NALF1: variants seen among roughly 807,000 people sequenced by gnomAD.
NALF1 encodes the protein NALCN channel auxiliary factor 1, also known as family with sequence similarity 155 member A.
NALF1 carries 3 observed loss-of-function variants against 48.4 expected under a neutral mutation model. That is an observed-to-expected ratio of 0.06 (90% CI 0.03 to 0.16). The LOEUF (loss-of-function observed/expected upper bound fraction) is 0.16, where lower values mean the gene tolerates loss of function less well. Ranked by LOEUF, NALF1 falls within the 10% of genes least tolerant of loss-of-function variation. The pLI, the probability that NALF1 is intolerant of heterozygous loss-of-function variation, is 1.00. For missense variants in NALF1, 526 were observed against 571.5 expected (o/e 0.92, Z 0.81); for synonymous variants, 262 against 245.7 (o/e 1.07, Z -0.62).
At chr13:107,738,964 G>A (rs1000196114) in intron 1 of NALF1, among the ~76,000 whole-genome samples, 1 of 152,128 alleles carries the variant, frequency 6.6e-6, no homozygotes, top group African/African-American at 2.4e-5. Flanking sequence ...GCCCAGCTGA[G>A]TTCAGTATAA....
intron 1 of NALF1, among the ~76,000 whole-genome samples, chr13:107,287,688 CTTTCTTTTCT>C (rs949336747): frequency 7.2e-6 from 1 of 139,032 alleles, no homozygotes; most frequent in African/African-American, 2.7e-5. Context: ...TTTTCTTTTC[CTTTCTTTTCT>C]TTTCTTTCTT....
intron 1 of NALF1, among the ~76,000 whole-genome samples, chr13:107,759,235 G>GAC (rs1566471226): frequency 6.6e-6 from 1 of 152,114 alleles, no homozygotes; most frequent in Non-Finnish European, 1.5e-5. Flanking sequence ...TTTTGAGATA[G>GAC]TCTTGCTCTG....
chr13:107,460,438 TTCTCTGC>T (rs1435385582), intron 1 of NALF1, among the ~76,000 whole-genome samples: 1 of 152,258 alleles, frequency 6.6e-6, no homozygotes, highest in Non-Finnish European at 1.5e-5. Flanking sequence ...CCAGGTATTA[TTCTCTGC>T]TAGGAGTAGA....
At chr13:107,712,347 G>T (rs1292744144) in intron 1 of NALF1, among the ~76,000 whole-genome samples, 5 of 152,186 alleles carry the variant, frequency 3.3e-5, no homozygotes, top group Admixed American at 6.5e-5. Flanking sequence ...AGGAAGGAAT[G>T]AATGCAAAAC....
chr13:107,672,768 T>C (rs940173501), intron 1 of NALF1, among the ~76,000 whole-genome samples: 1 of 152,170 alleles, frequency 6.6e-6, no homozygotes, highest in Non-Finnish European at 1.5e-5. Context: ...TCCAGTGACC[T>C]AAGGTGATTT....
At chr13:107,354,247 T>C (rs769809608) in intron 1 of NALF1, among the ~76,000 whole-genome samples, 1 of 152,144 alleles carries the variant, frequency 6.6e-6, no homozygotes, top group East Asian at 1.9e-4. Flanking sequence ...GACTTTAGCA[T>C]GGGTGGAGGT....
At chr13:107,418,390 T>C (rs571075760) in intron 1 of NALF1, among the ~76,000 whole-genome samples, 13 of 152,194 alleles carry the variant, frequency 8.5e-5, no homozygotes, top group African/African-American at 2.9e-4. Flanking sequence ...TGTAAAACGA[T>C]TGTGCTTGTG....
At chr13:107,566,038 T>C (rs934815220) in intron 1 of NALF1, among the ~76,000 whole-genome samples, 2 of 152,296 alleles carry the variant, frequency 1.3e-5, no homozygotes, top group South Asian at 2.1e-4. Flanking sequence ...TAAAACAATA[T>C]GATATTTATT....
intron 1 of NALF1, among the ~76,000 whole-genome samples, chr13:107,709,990 A>C (rs1472469642): frequency 1.3e-5 from 2 of 152,262 alleles, no homozygotes; most frequent in East Asian, 3.9e-4. Flanking sequence ...AGCAGTGTGC[A>C]ACTCTGGTCC....
At chr13:107,567,234 C>T (rs1320812354) in intron 1 of NALF1, among the ~76,000 whole-genome samples, 2 of 152,102 alleles carry the variant, frequency 1.3e-5, no homozygotes, top group African/African-American at 2.4e-5. Flanking sequence ...TGTATATATA[C>T]ATGCTGAATA....
chr13:107,355,728 A>G (rs749409539), intron 1 of NALF1, among the ~76,000 whole-genome samples: 1 of 152,106 alleles, frequency 6.6e-6, no homozygotes, highest in Non-Finnish European at 1.5e-5. Context: ...AGGCCTCCCC[A>G]GCCATGCTTT....
chr13:107,678,689 G>A (rs934507498), intron 1 of NALF1, among the ~76,000 whole-genome samples: 1 of 152,202 alleles, frequency 6.6e-6, no homozygotes, highest in African/African-American at 2.4e-5. Context: ...CACAATCATG[G>A]TGGAAGGTGA....
At chr13:107,361,635 G>A (rs1021015784) in intron 1 of NALF1, among the ~76,000 whole-genome samples, 1 of 152,126 alleles carries the variant, frequency 6.6e-6, no homozygotes, top group Non-Finnish European at 1.5e-5. Context: ...CAGCAGAGCC[G>A]GTTTTGCAAA....
intron 1 of NALF1, among the ~76,000 whole-genome samples, chr13:107,627,466 G>A (rs1340560865): frequency 6.6e-6 from 1 of 152,052 alleles, no homozygotes; most frequent in African/African-American, 2.4e-5. Context: ...CCATGAGCGA[G>A]GAGAAGGCTG....
rs543809325 is a variant in NALF1 at position 107,637,253 on chromosome 13, G to A, written c.915+228429C>T. Among the ~76,000 whole-genome samples, 57 of 151,066 alleles carry A rather than the reference G, an allele frequency of 3.8e-4. No individual in the cohort carries two copies. In the South Asian group the frequency reaches 9.4e-3, roughly 25 times the overall value. The stretch of plus-strand genomic sequence containing the variant: ...TATATTGTATTTGTTGTGTGTGTGT[G>A]TATATATATATATAATTTATTAAGG... On this transcript the variant is annotated intron_variant, in intron 1 of 2. Transcript: ENST00000375915.
At chr13:107,451,364 A>G (rs2139035333) in intron 1 of NALF1, among the ~76,000 whole-genome samples, 1 of 152,314 alleles carries the variant, frequency 6.6e-6, no homozygotes, top group African/African-American at 2.4e-5. Context: ...TTTGAGGCAC[A>G]TGTGCTAAAT....
rs139614421 is a variant in NALF1, at chr13:107,409,333, A to C, written c.916-198578T>G. 3.2e-3 allele frequency among the ~76,000 whole-genome samples: 494 copies of C among 152,290 alleles called. 4 individuals carry two copies. Among genetic ancestry groups the C allele is most frequent in the African/African-American group, 0.011 (466 of 41,550 alleles). Reference sequence around the variant, plus strand: ...CCTCTTTGAGTTTGTGGTCTTGGGAAGAAATTAATCAGATCATCACAATAA... The same window carrying C: ...CCTCTTTGAGTTTGTGGTCTTGGGACGAAATTAATCAGATCATCACAATAA... On this transcript the variant is annotated intron_variant, in intron 1 of 2. Transcript: ENST00000375915.
At chr13:107,556,561 G>A (rs1047815095) in intron 1 of NALF1, among the ~76,000 whole-genome samples, 3 of 151,754 alleles carry the variant, frequency 2.0e-5, no homozygotes, top group African/African-American at 4.8e-5. Flanking sequence ...GCGCCATCTC[G>A]GCTCACTGCA....
chr13:107,461,559 G>A (rs1323916615), intron 1 of NALF1, among the ~76,000 whole-genome samples: 1 of 152,048 alleles, frequency 6.6e-6, no homozygotes, highest in Non-Finnish European at 1.5e-5. Flanking sequence ...GATGTAAAAT[G>A]AAAAATCATA....
Sources: allele counts gnomAD v4.1 joint callset (sites outside exome capture counted in the v4.1 genomes callset), GRCh38; gene constraint gnomAD v4.1.1; transcripts MANE v1.5; gene names NCBI Gene and HGNC (gene_info 2026-07-23, HGNC 2026-07-21).